FHIT: variants seen among roughly 807,000 people sequenced by gnomAD.
FHIT encodes the protein bis(5'-adenosyl)-triphosphatase.
A neutral mutation model predicts 17.9 loss-of-function variants in FHIT; 19 were observed. The ratio of observed to expected loss-of-function variants is 1.06; its 90% confidence interval spans 0.74 to 1.56. The LOEUF is 1.56. FHIT is among the 40% of genes most tolerant of loss of function. FHIT has a pLI of 0.00. For missense variants in FHIT, 248 were observed against 189.2 expected (o/e 1.31, Z -1.82); for synonymous variants, 81 against 69.7 (o/e 1.16, Z -0.81).
chr3:60,785,453 G>A (rs1553726617), intron 4 of FHIT, among the ~76,000 whole-genome samples: 1 of 152,154 alleles, frequency 6.6e-6, no homozygotes, highest in Non-Finnish European at 1.5e-5. Flanking sequence ...AAGTGCCTCT[G>A]GATTCATTTT....
chr3:60,095,095 G>A (rs894560438), intron 5 of FHIT, among the ~76,000 whole-genome samples: 2 of 152,096 alleles, frequency 1.3e-5, no homozygotes, highest in African/African-American at 4.8e-5. Flanking sequence ...AGCTTAGCTG[G>A]GCAATTATGA....
intron 4 of FHIT, among the ~76,000 whole-genome samples, chr3:60,777,628 C>G (rs1487695742): frequency 6.6e-6 from 1 of 152,198 alleles, no homozygotes; most frequent in Non-Finnish European, 1.5e-5. Context: ...AGGGGATTCT[C>G]TATAAAATGT....
chr3:61,054,519 A>T (rs544057579), intron 2 of FHIT, among the ~76,000 whole-genome samples: 8 of 152,342 alleles, frequency 5.3e-5, no homozygotes, highest in Middle Eastern at 3.4e-3. Context: ...ACACAGTAAC[A>T]TTTTAAACAT....
intron 5 of FHIT, among the ~76,000 whole-genome samples, chr3:60,137,777 G>A (rs17314091): frequency 0.054 from 8,213 of 152,186 alleles, 299 homozygotes; most frequent in Non-Finnish European, 0.078. Context: ...GTAAAATGAG[G>A]GTAAGAATAT....
At chr3:60,897,470 T>C (rs143134161) in intron 3 of FHIT, among the ~76,000 whole-genome samples, 1 of 152,344 alleles carries the variant, frequency 6.6e-6, no homozygotes, top group East Asian at 1.9e-4. Context: ...AAAGAGGATT[T>C]TGTTTAATTT....
chr3:61,244,113 A>G (rs1332562069), intron 1 of FHIT: 2 of 152,218 alleles, frequency 1.3e-5, no homozygotes, highest in Non-Finnish European at 1.5e-5. Flanking sequence ...TGTTATTAGA[A>G]TCAGTGGTTT....
intron 5 of FHIT, among the ~76,000 whole-genome samples, chr3:60,363,229 C>T (rs1295068140): frequency 6.6e-6 from 1 of 152,106 alleles, no homozygotes; most frequent in Non-Finnish European, 1.5e-5. Flanking sequence ...CATTGCTCTA[C>T]CCAGTTTGTG....
chr3:60,428,289 T>C (rs1039605392), intron 5 of FHIT, among the ~76,000 whole-genome samples: 3 of 152,174 alleles, frequency 2.0e-5, no homozygotes, highest in Non-Finnish European at 4.4e-5. Context: ...CACAGGGCTA[T>C]TGTATTACAT....
chr3:60,752,045 T>C (rs2042477286), intron 4 of FHIT, among the ~76,000 whole-genome samples: 1 of 152,156 alleles, frequency 6.6e-6, no homozygotes, highest in East Asian at 1.9e-4. Context: ...TTATGTAAAA[T>C]GTTTATAAAA....
At chr3:60,461,510 C>T (rs2032464382) in intron 5 of FHIT, among the ~76,000 whole-genome samples, 1 of 152,174 alleles carries the variant, frequency 6.6e-6, no homozygotes, top group African/African-American at 2.4e-5. Context: ...TGAAAGGTGG[C>T]AGCTATAGAG....
intron 4 of FHIT, among the ~76,000 whole-genome samples, chr3:60,805,018 A>G (rs782129228): frequency 1.1e-4 from 17 of 152,258 alleles, no homozygotes; most frequent in Non-Finnish European, 2.1e-4. Flanking sequence ...TAGATACTCA[A>G]TGAATATTTG....
Position 59,988,196 on chromosome 3 carries a change from C to T in FHIT, c.279+23175G>A, listed in dbSNP as rs138013734. Among the ~76,000 whole-genome samples the T allele has an allele frequency of 4.3e-4, 66 of 152,166 alleles. No individual in the cohort carries two copies. In the East Asian group the frequency reaches 4.5e-3, roughly 10 times the overall value. On this transcript the variant is annotated intron_variant, in intron 7 of 9. Transcript: ENST00000492590. ...TTGAGCAAGAGATACTGCAGGTCAC[C>T]TTCAGTGCTGAATATTCCAAAGTTA...
At position 60,859,710 on chromosome 3, in the gene FHIT, G is replaced by C. The variant is rs554263938; in HGVS notation, c.-110-37699C>G. 9.2e-5 allele frequency among the ~76,000 whole-genome samples: 12 copies of C among 131,074 alleles called. 1 individual carries two copies. Among genetic ancestry groups the C allele is most frequent in the Admixed American group, 7.2e-4 (9 of 12,424 alleles). 86.0% of individuals were successfully genotyped at this position (131,074 alleles called of 152,430 possible). A position where few individuals can be genotyped will look rare whatever the true frequency, so the allele number is the denominator to read the frequency against. On this transcript the variant is annotated intron_variant, in intron 3 of 9. Coordinates refer to ENST00000492590, the MANE Select transcript of FHIT (RefSeq NM_002012.4). ...CCACCCTTCAGAAACATTTGCAGTG[G>C]ATTCTGAATACGATTTTTTTTTTTT...
At chr3:60,533,363 T>C (rs951654422) in intron 5 of FHIT, among the ~76,000 whole-genome samples, 1 of 152,162 alleles carries the variant, frequency 6.6e-6, no homozygotes, top group African/African-American at 2.4e-5. Flanking sequence ...TTAGATTCAG[T>C]GAACACAGTA....
At chr3:59,932,176 C>T (rs570025866) in intron 7 of FHIT, among the ~76,000 whole-genome samples, 1 of 152,282 alleles carries the variant, frequency 6.6e-6, no homozygotes, top group African/African-American at 2.4e-5. Context: ...CCCCATCTTC[C>T]ACACTGCAAG....
intron 8 of FHIT, among the ~76,000 whole-genome samples, chr3:59,818,727 T>A (rs1411124595): frequency 6.6e-6 from 1 of 152,194 alleles, no homozygotes; most frequent in Non-Finnish European, 1.5e-5. Context: ...CTGCCAGCTC[T>A]CCTGGACACA....
chr3:59,976,655 A>C (rs529044937), intron 7 of FHIT, among the ~76,000 whole-genome samples: 17 of 152,114 alleles, frequency 1.1e-4, no homozygotes, highest in Non-Finnish European at 2.1e-4. Flanking sequence ...ACCACATTTG[A>C]TGCTTGAAAT....
intron 5 of FHIT, among the ~76,000 whole-genome samples, chr3:60,168,671 A>G (rs1207029252): frequency 6.6e-6 from 1 of 152,196 alleles, no homozygotes; most frequent in East Asian, 1.9e-4. Flanking sequence ...TGTTTTTGAA[A>G]GGTAAGACAG....
chr3:60,862,792 C>T (rs552928182), intron 3 of FHIT, among the ~76,000 whole-genome samples: 15 of 148,694 alleles, frequency 1.0e-4, no homozygotes, highest in Admixed American at 3.4e-4. Context: ...GCAGAGGTTG[C>T]AGTGAGCCAA....
Sources: allele counts gnomAD v4.1 joint callset (sites outside exome capture counted in the v4.1 genomes callset), GRCh38; gene constraint gnomAD v4.1.1; transcripts MANE v1.5; gene names NCBI Gene and HGNC (gene_info 2026-07-23, HGNC 2026-07-21).